MYO5A: variants seen among roughly 807,000 people sequenced by gnomAD.
MYO5A encodes unconventional myosin-Va.
A neutral mutation model predicts 249.7 loss-of-function variants in MYO5A; 98 were observed. The ratio of observed to expected loss-of-function variants is 0.39; its 90% CI spans 0.33 to 0.46. The LOEUF (loss-of-function observed/expected upper bound fraction) is 0.46. Ranked by LOEUF, MYO5A falls within the 20% of genes least tolerant of loss-of-function variation. MYO5A has a pLI of 0.98. For missense variants in MYO5A, 1,696 were observed against 2,308.8 expected, an observed-to-expected ratio of 0.73 and a Z score of 5.44; for synonymous variants, 778 against 810.6, an observed-to-expected ratio of 0.96 and a Z score of 0.68.
intron 9 of MYO5A, among the ~76,000 whole-genome samples, chr15:52,400,625 T>G (rs2042707577): frequency 6.6e-6 from 1 of 152,232 alleles, no homozygotes; most frequent in African/African-American, 2.4e-5. Context: ...CTTGACTTTT[T>G]GAAGACTCCT....
At chr15:52,332,680 T>C (rs2140964498) in intron 34 of MYO5A, among the ~76,000 whole-genome samples, 1 of 152,284 alleles carries the variant, frequency 6.6e-6, no homozygotes, top group South Asian at 2.1e-4. Context: ...AAATAAAATG[T>C]TGGCCGGGCA....
chr15:52,478,223 A>G (rs752311995), intron 1 of MYO5A, among the ~76,000 whole-genome samples: 7 of 152,238 alleles, frequency 4.6e-5, no homozygotes, highest in Non-Finnish European at 7.3e-5. Context: ...GGCGCGGGAT[A>G]TAATCTCGTG....
intron 11 of MYO5A, among the ~76,000 whole-genome samples, chr15:52,394,625 GAGAC>G (rs1055852014): frequency 2.0e-5 from 3 of 152,204 alleles, no homozygotes; most frequent in African/African-American, 7.2e-5. Context: ...CAGGTGGATA[GAGAC>G]AGACAGCAGG....
intron 2 of MYO5A, among the ~76,000 whole-genome samples, chr15:52,429,073 C>T (rs779350704): frequency 2.0e-4 from 30 of 152,140 alleles, no homozygotes; most frequent in Non-Finnish European, 3.7e-4. Flanking sequence ...GAGGCAAGTC[C>T]GGCATGTGGT....
At chr15:52,352,290 C>G (rs754515362) in intron 27 of MYO5A, among the ~76,000 whole-genome samples, 11 of 152,320 alleles carry the variant, frequency 7.2e-5, no homozygotes, top group Middle Eastern at 3.4e-3. Flanking sequence ...CACTAGCACA[C>G]AAGTGTCACA....
intron 35 of MYO5A, 90 bp from the exon 36 acceptor site, chr15:52,328,096 G>A: frequency 9.3e-7 from 1 of 1,076,744 alleles, no homozygotes; most frequent in Non-Finnish European, 1.4e-6. Flanking sequence ...TGTCATGTAA[G>A]AGTTCAATCA....
chr15:52,440,561 C>T (rs116029880), intron 1 of MYO5A, among the ~76,000 whole-genome samples: 3,693 of 152,296 alleles, frequency 0.024, 140 homozygotes, highest in African/African-American at 0.085. Flanking sequence ...AGTCACCGCA[C>T]CTGGCCCACC....
intron 1 of MYO5A, among the ~76,000 whole-genome samples, chr15:52,501,260 C>T (rs904000290): frequency 6.6e-6 from 1 of 152,040 alleles, no homozygotes; most frequent in Non-Finnish European, 1.5e-5. Context: ...CGTGAGCCAC[C>T]GCGCCCAGCC....
At chr15:52,316,771 A>G (rs1284504585) in intron 40 of MYO5A, among the ~76,000 whole-genome samples, 1 of 152,222 alleles carries the variant, frequency 6.6e-6, no homozygotes, top group Non-Finnish European at 1.5e-5. Flanking sequence ...TGTTTTGCCT[A>G]TGGGTGTATC....
intron 22 of MYO5A, among the ~76,000 whole-genome samples, chr15:52,368,272 T>C (rs2040913496): frequency 1.3e-5 from 2 of 152,186 alleles, no homozygotes; most frequent in Non-Finnish European, 2.9e-5. Flanking sequence ...CTTTTCCCTC[T>C]GGACTGACCT....
intron 11 of MYO5A, among the ~76,000 whole-genome samples, chr15:52,392,690 C>T (rs567338204): frequency 6.6e-6 from 1 of 152,382 alleles, no homozygotes; most frequent in East Asian, 1.9e-4. Context: ...CCTTCAGCCA[C>T]TGTCCTCACC....
At chr15:52,389,834 A>G (rs895012704) in intron 12 of MYO5A, among the ~76,000 whole-genome samples, 2 of 152,084 alleles carry the variant, frequency 1.3e-5, no homozygotes, top group African/African-American at 4.8e-5. Flanking sequence ...GGCACCTGTA[A>G]TCCCAGCTAC....
chr15:52,346,614 A>G (rs2039644317), intron 29 of MYO5A, 153 bp from the exon 30 acceptor site: 1 of 698,580 alleles, frequency 1.4e-6, no homozygotes, highest in Middle Eastern at 2.3e-4. Flanking sequence ...ATGTAACTGC[A>G]GAGGGGAGTT....
intron 1 of MYO5A, among the ~76,000 whole-genome samples, chr15:52,433,997 T>G (rs1395097269): frequency 1.4e-5 from 2 of 147,042 alleles, no homozygotes; most frequent in Non-Finnish European, 1.5e-5. Context: ...TTCTTTCTTT[T>G]TCTTTTTTTT....
chr15:52,340,188 C>G lies in MYO5A; in HGVS notation c.4239+8G>C, dbSNP rs767116762. 1.9e-6 allele frequency: 3 copies of G among 1,614,150 alleles called. No homozygotes were observed. The highest frequency in any genetic ancestry group is 2.5e-6 in the Non-Finnish European group (3 of 1,180,026). ...TAAGAAGCATGTGGACCCGGCAGCT[C>G]TCCTTACCAAGTTTTCGTTGGTCAG... On this transcript the variant is annotated splice_region_variant and intron_variant, in intron 32 of 41. Transcript: ENST00000399233.
In MYO5A at chr15:52,450,399, G is replaced by A. The variant is rs1595707154; in HGVS notation, c.28-17114C>T. On this transcript the variant is annotated intron_variant, in intron 1 of 41. Coordinates refer to ENST00000399233, the MANE Select transcript of MYO5A (RefSeq NM_001382347.1). ...ATTAGAGATGGGGCTGGGAGCAGTG[G>A]ATCACGCCTGTAATCCCAGCACTTT... Among the ~76,000 whole-genome samples the A allele has an allele frequency of 2.6e-5, 4 of 152,074 alleles. No homozygotes were observed. In the South Asian group the frequency reaches 8.3e-4, roughly 32 times the overall value.
rs1261328329 is a variant in MYO5A at position 52,428,619 on chromosome 15, G to C, written c.139-50C>G. On this transcript the variant is annotated intron_variant, in intron 2 of 41. Transcript: ENST00000399233. ...CTGGATGAATTATGGCAAGGACTGTGAAAGAGGCCCATGCATTTTGCTTAC... is the reference window on the plus strand; with the variant it reads ...CTGGATGAATTATGGCAAGGACTGTCAAAGAGGCCCATGCATTTTGCTTAC... The C allele has an allele frequency of 3.1e-6, 5 of 1,590,124 alleles. No individual in the cohort carries two copies. The East Asian group carries it at 8.9e-5, about 28-fold the overall frequency.
At chr15:52,459,495 T>C (rs191900851) in intron 1 of MYO5A, among the ~76,000 whole-genome samples, 2 of 152,308 alleles carry the variant, frequency 1.3e-5, no homozygotes, top group East Asian at 1.9e-4. Context: ...GGTAAGGTTA[T>C]AGATTAACAG....
At chr15:52,477,777 C>T (rs769835209) in intron 1 of MYO5A, among the ~76,000 whole-genome samples, 3 of 152,162 alleles carry the variant, frequency 2.0e-5, no homozygotes, top group Admixed American at 6.5e-5. Context: ...CTGGAAGCTT[C>T]GTCTCAGAGG....
Sources: gnomAD v4.1 joint callset for allele counts (sites outside exome capture counted in the v4.1 genomes callset) on GRCh38, gnomAD v4.1.1 for gene constraint, MANE v1.5 for transcripts, NCBI Gene and HGNC (gene_info 2026-07-23, HGNC 2026-07-21) for gene names.